Variants in GRID2 observed in about 807,000 individuals in gnomAD.
GRID2 encodes glutamate receptor ionotropic, delta-2.
In GRID2, 33 loss-of-function variants were observed where a neutral mutation model predicts 114.8. That is an observed-to-expected ratio of 0.29 (90% CI 0.22 to 0.38). GRID2 has a LOEUF of 0.38. Among genes scored for constraint, GRID2 ranks in the 10% least tolerant of loss-of-function variants. GRID2 has a pLI of 1.00. For synonymous variants in GRID2, 505 were observed against 449.9 expected, an observed-to-expected ratio of 1.12 and a Z score of -1.55; for missense variants, 1,184 against 1,257.7, an observed-to-expected ratio of 0.94 and a Z score of 0.89.
At chr4:92,976,976 G>A (rs1753920426) in intron 2 of GRID2, among the ~76,000 whole-genome samples, 1 of 152,080 alleles carries the variant, frequency 6.6e-6, no homozygotes, top group African/African-American at 2.4e-5. Context: ...ACTGACTAAA[G>A]TACAATTTAT....
chr4:93,400,290 C>T (rs1765749149), intron 9 of GRID2, among the ~76,000 whole-genome samples: 1 of 152,010 alleles, frequency 6.6e-6, no homozygotes, highest in African/African-American at 2.4e-5. Flanking sequence ...TCAACCATCA[C>T]CAAAGCCACA....
intron 1 of GRID2, among the ~76,000 whole-genome samples, chr4:92,379,546 C>A (rs1454977143): frequency 2.0e-5 from 3 of 151,918 alleles, no homozygotes; most frequent in African/African-American, 7.2e-5. Flanking sequence ...AATTAAACCT[C>A]ATGTTAATGG....
chr4:93,169,753 A>T (rs1280999451), intron 4 of GRID2, among the ~76,000 whole-genome samples: 1 of 152,216 alleles, frequency 6.6e-6, no homozygotes, highest in African/African-American at 2.4e-5. Flanking sequence ...CTTCTCATAC[A>T]TTCTCAAACA....
At chr4:92,807,017 A>G (rs1249795004) in intron 2 of GRID2, among the ~76,000 whole-genome samples, 1 of 151,812 alleles carries the variant, frequency 6.6e-6, no homozygotes, top group Admixed American at 6.6e-5. Flanking sequence ...TTGTTCACCT[A>G]TTATCTGGAA....
intron 2 of GRID2, among the ~76,000 whole-genome samples, chr4:92,741,507 T>C (rs1310873955): frequency 6.6e-6 from 1 of 152,186 alleles, no homozygotes. Flanking sequence ...ACTAAACCCA[T>C]GTTTGCTCCA....
At chr4:92,458,327 C>A (rs925496585) in intron 1 of GRID2, among the ~76,000 whole-genome samples, 2 of 152,078 alleles carry the variant, frequency 1.3e-5, no homozygotes, top group Non-Finnish European at 2.9e-5. Flanking sequence ...GTGACCTTGG[C>A]GATTTCATAT....
At chr4:92,629,845 T>C (rs1041511766) in intron 2 of GRID2, among the ~76,000 whole-genome samples, 1 of 147,936 alleles carries the variant, frequency 6.8e-6, no homozygotes, top group African/African-American at 2.5e-5. Flanking sequence ...TTATTCACAA[T>C]AACACAATGA....
intron 14 of GRID2, among the ~76,000 whole-genome samples, chr4:93,675,876 C>A (rs1176196622): frequency 1.3e-5 from 2 of 152,084 alleles, no homozygotes; most frequent in Non-Finnish European, 2.9e-5. Flanking sequence ...TTATACTTTC[C>A]ACTCCAAAGA....
intron 4 of GRID2, among the ~76,000 whole-genome samples, chr4:93,197,738 C>G (rs1437190326): frequency 6.6e-6 from 1 of 152,120 alleles, no homozygotes; most frequent in African/African-American, 2.4e-5. Flanking sequence ...GAACCTGAGA[C>G]TCAGAGTATG....
chr4:92,631,624 TTTTTG>T (rs1274206641), intron 2 of GRID2, among the ~76,000 whole-genome samples: 2 of 152,126 alleles, frequency 1.3e-5, no homozygotes, highest in African/African-American at 2.4e-5. Flanking sequence ...GAGTTTTAAC[TTTTTG>T]TTTTAAGTAG....
At chr4:92,768,987 C>T (rs1165852330) in intron 2 of GRID2, among the ~76,000 whole-genome samples, 1 of 152,200 alleles carries the variant, frequency 6.6e-6, no homozygotes, top group Non-Finnish European at 1.5e-5. Context: ...TCTGAACAGT[C>T]TCCCAAAGTC....
At chr4:92,473,072 T>G (rs1722120936) in intron 1 of GRID2, among the ~76,000 whole-genome samples, 1 of 152,096 alleles carries the variant, frequency 6.6e-6, no homozygotes, top group Non-Finnish European at 1.5e-5. Flanking sequence ...TTGGGTTATT[T>G]TTGCATATCT....
At chr4:92,487,837 T>A (rs1370200992) in intron 1 of GRID2, among the ~76,000 whole-genome samples, 1 of 152,158 alleles carries the variant, frequency 6.6e-6, no homozygotes, top group Non-Finnish European at 1.5e-5. Context: ...GTGTGTTTTG[T>A]TTTTGGCTTT....
chr4:92,925,164 A>G (rs1749705761), intron 2 of GRID2, among the ~76,000 whole-genome samples: 1 of 152,106 alleles, frequency 6.6e-6, no homozygotes, highest in Admixed American at 6.6e-5. Flanking sequence ...CGACCTCAAA[A>G]TTAAAAAGTT....
At chr4:93,699,979 A>G (rs1250117582) in intron 14 of GRID2, among the ~76,000 whole-genome samples, 5 of 152,150 alleles carry the variant, frequency 3.3e-5, no homozygotes, top group Non-Finnish European at 7.4e-5. Context: ...TTCTCATTCA[A>G]CTAGACAAAA....
At chr4:93,628,213 A>G (rs2149693265) in intron 14 of GRID2, among the ~76,000 whole-genome samples, 1 of 152,264 alleles carries the variant, frequency 6.6e-6, no homozygotes, top group Middle Eastern at 3.4e-3. Context: ...TTCTAAGAGG[A>G]ACAAACTACA....
chr4:93,107,573 C>G (rs541641676), intron 3 of GRID2, among the ~76,000 whole-genome samples: 3 of 152,184 alleles, frequency 2.0e-5, no homozygotes, highest in Admixed American at 1.3e-4. Context: ...GCATCTCACT[C>G]TGTCACCCAT....
At chr4:92,654,752 T>A (rs80281119) in intron 2 of GRID2, among the ~76,000 whole-genome samples, 7,891 of 151,544 alleles carry the variant, frequency 0.052, 245 homozygotes, top group East Asian at 0.099. Context: ...AATGGAATTT[T>A]AAAAAAAAAT....
intron 9 of GRID2, among the ~76,000 whole-genome samples, chr4:93,411,014 G>A (rs972097040): frequency 2.0e-5 from 3 of 151,932 alleles, no homozygotes; most frequent in Non-Finnish European, 4.4e-5. Context: ...TCCAACCCTA[G>A]CCTCTCTCTC....
Sources: gnomAD v4.1 joint callset for allele counts (sites outside exome capture counted in the v4.1 genomes callset) on GRCh38, gnomAD v4.1.1 for gene constraint, MANE v1.5 for transcripts, NCBI Gene and HGNC (gene_info 2026-07-23, HGNC 2026-07-21) for gene names.